Variants in NUP133 observed in about 807,000 individuals in gnomAD.
NUP133 encodes the protein nucleoporin 133.
NUP133 carries 66 observed loss-of-function variants against 146.2 expected under a neutral mutation model. The observed-to-expected ratio is 0.45, with a 90% CI of 0.37 to 0.55. The LOEUF is 0.55. Among genes scored for constraint, NUP133 ranks in the 20% least tolerant of loss-of-function variants. The pLI, the probability that NUP133 is intolerant of heterozygous loss-of-function variation, is 0.00. For missense variants in NUP133, 1,277 were observed against 1,374.8 expected (o/e 0.93, Z 1.12); for synonymous variants, 521 against 498.8 (o/e 1.04, Z -0.59).
chr1:229,491,894 A>C (rs1661527147), intron 8 of NUP133, among the ~76,000 whole-genome samples: 1 of 152,204 alleles, frequency 6.6e-6, no homozygotes, highest in South Asian at 2.1e-4. Context: ...AAACAGGGCA[A>C]CCCTGTCTCT....
At chr1:229,475,561 T>G in intron 14 of NUP133, 77 bp downstream of exon 14, 1 of 1,052,016 alleles carries the variant, frequency 9.5e-7, no homozygotes, top group Non-Finnish European at 1.5e-6. Context: ...CACCTCAAAA[T>G]AGAGAGAAGA....
chr1:229,503,663 C>G (rs1455621106), intron 2 of NUP133, among the ~76,000 whole-genome samples: 1 of 152,212 alleles, frequency 6.6e-6, no homozygotes, highest in Non-Finnish European at 1.5e-5. Context: ...CAAGCCCAGG[C>G]TGAGTGAGGC....
chr1:229,466,954 A>G (rs549374552), intron 15 of NUP133, among the ~76,000 whole-genome samples, 198 bp from the exon 16 acceptor site: 4 of 151,772 alleles, frequency 2.6e-5, no homozygotes, highest in African/African-American at 9.7e-5. Context: ...GAGTGCCCAA[A>G]TAAGTCTTAT....
chr1:229,506,906 T>G (rs1022613859), intron 1 of NUP133, among the ~76,000 whole-genome samples: 5 of 151,656 alleles, frequency 3.3e-5, no homozygotes, highest in African/African-American at 9.7e-5. Flanking sequence ...TACATGGTCC[T>G]CAACAGCAGA....
chr1:229,450,735 G>T (rs544459417), intron 22 of NUP133, 130 bp from the exon 23 acceptor site: 21 of 478,334 alleles, frequency 4.4e-5, no homozygotes, highest in Middle Eastern at 5.7e-4. Flanking sequence ...TTGTTTGTTT[G>T]TTTTTTTTGA....
At chr1:229,506,301 T>C in intron 1 of NUP133, 143 bp from the exon 2 acceptor site, 1 of 501,094 alleles carries the variant, frequency 2.0e-6, no homozygotes, top group Non-Finnish European at 3.6e-6. Context: ...AAATGTAATA[T>C]TTTTCATGTA....
Position 229,466,637 on chromosome 1 carries a change from G to C in NUP133, c.2196C>G (p.Leu732=). Residue 732 remains leucine (L), a synonymous_variant, in exon 16 of 26, where the codon CTC becomes CTG. Transcript: ENST00000261396. ...AEVVINVNNI[L]KDMLQAASHY... ...AGCCTTTACTATATTTTTGTACCTT[G>C]AGAATATTGTTCACATTGATCACCA... The C allele has an allele frequency of 6.2e-7, 1 of 1,613,940 alleles. No homozygotes were observed. The highest frequency in any genetic ancestry group is 8.5e-7 in the Non-Finnish European group (1 of 1,179,938).
At chr1:229,449,534 AT>A (rs573432687) in intron 23 of NUP133, among the ~76,000 whole-genome samples, 100 of 151,186 alleles carry the variant, frequency 6.6e-4, no homozygotes, top group African/African-American at 2.4e-3. Flanking sequence ...CGCCCAGCTA[AT>A]TTTTTTTGTA....
chr1:229,441,315 T>C lies in NUP133; in HGVS notation c.*589A>G, dbSNP rs1181186549. On this transcript the variant is annotated 3_prime_UTR_variant, in exon 26 of 26. Coordinates refer to ENST00000261396, the MANE Select transcript of NUP133 (RefSeq NM_018230.3). Reference sequence around the variant, plus strand: ...ACTAAAATACTTTCATTAGTGCTCATTTATTATTTATGTAGAAAAGTTTAA... The same window carrying C: ...ACTAAAATACTTTCATTAGTGCTCACTTATTATTTATGTAGAAAAGTTTAA... The C allele has an allele frequency of 4.5e-6, 2 of 446,842 alleles. No individual in the cohort carries two copies. The highest frequency in any genetic ancestry group is 2.0e-5 in the African/African-American group (1 of 49,214). The allele number at this position is 446,842 out of a possible 1,614,324, so 27.7% of individuals were successfully genotyped here.
intron 14 of NUP133, 145 bp downstream of exon 14, chr1:229,475,493 C>G (rs146686626): frequency 3.5e-6 from 2 of 574,788 alleles, no homozygotes; most frequent in South Asian, 5.0e-5. Context: ...CCTGGAATTA[C>G]GGACTTTTAA....
At chr1:229,449,253 A>T in intron 23 of NUP133, 63 bp from the exon 24 acceptor site, 1 of 1,017,806 alleles carries the variant, frequency 9.8e-7, no homozygotes, top group Non-Finnish European at 1.5e-6. Context: ...ACATGCCTAA[A>T]TTTTCATTAT....
rs746712830 is a variant in NUP133, at chr1:229,508,088, C to G, written c.162G>C (p.Arg54=). 3 of 1,503,244 alleles carry G rather than the reference C, an allele frequency of 2.0e-6. No homozygotes were observed. Among genetic ancestry groups the G allele is most frequent in the Admixed American group, 4.6e-5 (2 of 43,194 alleles). 93.1% of individuals were successfully genotyped at this position (1,503,244 alleles called of 1,614,324 possible). The change falls in exon 1 of 26, where the codon CGG becomes CGC. Residue 54 remains arginine, a synonymous_variant. Transcript: ENST00000261396. The part of the protein sequence containing the change: ...SSPVLFSPVG[R]RSSLSSRGTP... ...CTTACCGCGAGCTTAGCGAGCTACG[C>G]CGGCCGACCGGCGAGAAGAGCACTG...
intron 16 of NUP133, 88 bp from the exon 17 acceptor site, chr1:229,465,607 G>T: frequency 9.8e-7 from 1 of 1,023,592 alleles, no homozygotes; most frequent in Non-Finnish European, 1.5e-6. Flanking sequence ...AAGTAAATTA[G>T]TAAGAAAAAA....
intron 21 of NUP133, among the ~76,000 whole-genome samples, chr1:229,457,444 C>T (rs1217838953): frequency 2.0e-5 from 3 of 152,116 alleles, no homozygotes; most frequent in African/African-American, 7.2e-5. Flanking sequence ...AGCTCAACTC[C>T]CTTATATAAA....
intron 22 of NUP133, 104 bp from the exon 23 acceptor site, chr1:229,450,709 TTTG>T (rs938881752): frequency 1.7e-5 from 9 of 539,344 alleles, no homozygotes; most frequent in Non-Finnish European, 2.9e-5. Context: ...GAAGTTGTAG[TTTG>T]TTTTTTGTTT....
At chr1:229,469,235 C>T (rs1445210588) in intron 15 of NUP133, among the ~76,000 whole-genome samples, 1 of 152,202 alleles carries the variant, frequency 6.6e-6, no homozygotes, top group African/African-American at 2.4e-5. Flanking sequence ...GACAACAGGT[C>T]TAAGTTCTAA....
chr1:229,464,147 CA>C (rs530214804), intron 18 of NUP133, among the ~76,000 whole-genome samples: 8 of 146,370 alleles, frequency 5.5e-5, no homozygotes, highest in Admixed American at 1.4e-4. Context: ...TCTGTCTCAA[CA>C]AAAAAAAAAG....
chr1:229,442,899 G>A (rs918317186), intron 25 of NUP133, among the ~76,000 whole-genome samples: 3 of 151,886 alleles, frequency 2.0e-5, no homozygotes, highest in Non-Finnish European at 4.4e-5. Flanking sequence ...TAGAAATGGT[G>A]TTTCACCATG....
chr1:229,449,370 CTTTTTTTTT>C (rs71173728), intron 23 of NUP133, among the ~76,000 whole-genome samples, 180 bp from the exon 24 acceptor site: 1 of 139,778 alleles, frequency 7.2e-6, no homozygotes, highest in African/African-American at 2.6e-5. Flanking sequence ...AAGAGTTTTT[CTTTTTTTTT>C]TTTTTTGAGA....
Sources: gnomAD v4.1 joint callset for allele counts (sites outside exome capture counted in the v4.1 genomes callset) on GRCh38, gnomAD v4.1.1 for gene constraint, MANE v1.5 for transcripts, NCBI Gene and HGNC (gene_info 2026-07-23, HGNC 2026-07-21) for gene names.